Variants in LIN28B observed in about 807,000 individuals in gnomAD.
LIN28B encodes lin-28 RNA binding posttranscriptional regulator B, also known as protein lin-28 homolog B.
A neutral mutation model predicts 21.9 loss-of-function variants in LIN28B; 5 were observed. The observed-to-expected ratio is 0.23, with a 90% CI of 0.12 to 0.48. The LOEUF is 0.48. Among genes scored for constraint, LIN28B ranks in the 20% least tolerant of loss-of-function variants. The pLI is 0.98. For missense variants in LIN28B, 245 were observed against 310.5 expected, an observed-to-expected ratio of 0.79 and a Z score of 1.58; for synonymous variants, 109 against 111.3, an observed-to-expected ratio of 0.98 and a Z score of 0.13.
At chr6:105,050,724 T>C (rs1157955482) in intron 3 of LIN28B, among the ~76,000 whole-genome samples, 2 of 151,434 alleles carry the variant, frequency 1.3e-5, no homozygotes, top group African/African-American at 4.9e-5. Flanking sequence ...CCCTTTGTTA[T>C]TTTACAATGT....
chr6:104,945,059 A>C (rs948140938), intron 2 of LIN28B, among the ~76,000 whole-genome samples: 3 of 152,134 alleles, frequency 2.0e-5, no homozygotes, highest in African/African-American at 7.2e-5. Flanking sequence ...TTTTTCAAAC[A>C]TTTTTCTGTG....
intron 2 of LIN28B, among the ~76,000 whole-genome samples, chr6:104,942,267 A>G (rs1205430799): frequency 2.0e-5 from 3 of 152,238 alleles, no homozygotes; most frequent in Non-Finnish European, 4.4e-5. Flanking sequence ...GTTTTACAAC[A>G]TTGCTGGGAA....
At chr6:104,979,356 C>T (rs912139795) in intron 2 of LIN28B, among the ~76,000 whole-genome samples, 18 of 151,812 alleles carry the variant, frequency 1.2e-4, no homozygotes, top group Non-Finnish European at 2.4e-4. Flanking sequence ...TACAGGTGTG[C>T]GCCACCACGC....
intron 2 of LIN28B, among the ~76,000 whole-genome samples, chr6:105,025,695 T>C (rs542657094): frequency 6.6e-6 from 1 of 152,100 alleles, no homozygotes; most frequent in African/African-American, 2.4e-5. Flanking sequence ...GGCTAGAAAA[T>C]CCCAGAAGTT....
intron 3 of LIN28B, among the ~76,000 whole-genome samples, chr6:105,036,295 C>T (rs1771520213): frequency 1.3e-5 from 2 of 152,262 alleles, no homozygotes; most frequent in Middle Eastern, 3.4e-3. Context: ...AGTTGAATAA[C>T]TAAACTATTG....
At chr6:104,959,992 T>TAA (rs1339919170) in intron 2 of LIN28B, among the ~76,000 whole-genome samples, 1 of 152,186 alleles carries the variant, frequency 6.6e-6, no homozygotes, top group Non-Finnish European at 1.5e-5. Flanking sequence ...CATTTGTGTT[T>TAA]ATACTATTTA....
chr6:105,049,760 C>T (rs1388003402), intron 3 of LIN28B, among the ~76,000 whole-genome samples: 2 of 152,142 alleles, frequency 1.3e-5, no homozygotes, highest in African/African-American at 4.8e-5. Context: ...TATGTAATGG[C>T]CTTCTTTGTC....
intron 3 of LIN28B, among the ~76,000 whole-genome samples, chr6:105,076,171 CTT>C (rs1388229712): frequency 2.0e-5 from 3 of 152,050 alleles, no homozygotes; most frequent in Non-Finnish European, 4.4e-5. Context: ...CACTGTAATA[CTT>C]TATTAAGATA....
chr6:104,953,337 T>C (rs1778244049), upstream of LIN28B, among the ~76,000 whole-genome samples: 1 of 152,174 alleles, frequency 6.6e-6, no homozygotes, highest in Non-Finnish European at 1.5e-5. Context: ...GCTCATTTTC[T>C]TGGGTTCGGA....
At chr6:104,956,779 GGCACGCGTGT>G (rs1338661769), upstream of LIN28B, among the ~76,000 whole-genome samples, 2 of 152,116 alleles carry the variant, frequency 1.3e-5, no homozygotes, top group African/African-American at 4.8e-5. Context: ...TTGTGTGTAA[GGCACGCGTGT>G]GCACATATAT....
upstream of LIN28B, among the ~76,000 whole-genome samples, chr6:104,955,241 GT>G (rs529572476): frequency 7.6e-4 from 115 of 152,214 alleles, no homozygotes; most frequent in African/African-American, 2.6e-3. Flanking sequence ...CCTAGTAAAT[GT>G]TTTGTTAGTA....
chr6:104,949,779 A>G (rs571378325), intron 2 of LIN28B, among the ~76,000 whole-genome samples: 1 of 152,262 alleles, frequency 6.6e-6, no homozygotes, highest in South Asian at 2.1e-4. Flanking sequence ...CTTTATTGCA[A>G]GTTTTATTGT....
At chr6:105,074,946 A>G (rs1280122065) in intron 3 of LIN28B, among the ~76,000 whole-genome samples, 4 of 152,128 alleles carry the variant, frequency 2.6e-5, no homozygotes, top group Non-Finnish European at 5.9e-5. Flanking sequence ...ACCTCAAGTG[A>G]TCTGTCCGCC....
intron 3 of LIN28B, among the ~76,000 whole-genome samples, chr6:105,075,388 G>T (rs1453461795): frequency 1.3e-5 from 2 of 152,168 alleles, no homozygotes; most frequent in Non-Finnish European, 1.5e-5. Context: ...TTCTATTTTG[G>T]TGTCAGTCCC....
At chr6:105,022,292 A>G (rs1771157244) in intron 2 of LIN28B, among the ~76,000 whole-genome samples, 1 of 152,178 alleles carries the variant, frequency 6.6e-6, no homozygotes, top group Admixed American at 6.5e-5. Flanking sequence ...ACTAAAAATT[A>G]CTGACAAGAG....
chr6:104,948,694 A>G (rs1229827048), intron 2 of LIN28B, among the ~76,000 whole-genome samples: 5 of 152,190 alleles, frequency 3.3e-5, no homozygotes, highest in Non-Finnish European at 7.4e-5. Context: ...GATACATGAT[A>G]ATATCTACAT....
At chr6:104,968,040 A>G (rs1769899976) in intron 2 of LIN28B, among the ~76,000 whole-genome samples, 1 of 152,204 alleles carries the variant, frequency 6.6e-6, no homozygotes, top group Non-Finnish European at 1.5e-5. Flanking sequence ...AAGATGGCTT[A>G]ATGTCATAGA....
At chr6:105,009,644 C>G (rs191645681) in intron 2 of LIN28B, among the ~76,000 whole-genome samples, 7 of 152,258 alleles carry the variant, frequency 4.6e-5, no homozygotes, top group African/African-American at 1.7e-4. Context: ...GGGTGAATAG[C>G]GCACTGTTCT....
chr6:104,972,946 A>G (rs1278548991), intron 2 of LIN28B, among the ~76,000 whole-genome samples: 2 of 152,126 alleles, frequency 1.3e-5, no homozygotes, highest in East Asian at 1.9e-4. Context: ...CGCTGTCTCT[A>G]CTAAAAATAT....
Sources: allele counts gnomAD v4.1 joint callset (sites outside exome capture counted in the v4.1 genomes callset), GRCh38; gene constraint gnomAD v4.1.1; transcripts MANE v1.5; gene names NCBI Gene and HGNC (gene_info 2026-07-23, HGNC 2026-07-21).